The following PDE8B variants were observed in gnomAD, a reference collection of about 807,000 sequenced individuals.
PDE8B encodes the protein phosphodiesterase 8B.
A neutral mutation model predicts 101.3 loss-of-function variants in PDE8B; 26 were observed. The observed-to-expected ratio is 0.26, with a 90% CI of 0.19 to 0.36. The LOEUF is 0.36. Among genes scored for constraint, PDE8B ranks in the 10% least tolerant of loss-of-function variants. The pLI, the probability that PDE8B is intolerant of heterozygous loss-of-function variation, is 1.00. For missense variants in PDE8B, 810 were observed against 1,163.1 expected (o/e 0.70, Z 4.42); for synonymous variants, 424 against 429.3 (o/e 0.99, Z 0.15).
chr5:77,318,242 C>T (rs1327987422), intron 2 of PDE8B, among the ~76,000 whole-genome samples: 5 of 152,116 alleles, frequency 3.3e-5, no homozygotes, highest in Admixed American at 2.6e-4. Flanking sequence ...GATGTTCAGA[C>T]TCAGTAACTT....
chr5:77,388,601 G>T (rs1316334478), intron 10 of PDE8B, among the ~76,000 whole-genome samples: 2 of 152,216 alleles, frequency 1.3e-5, no homozygotes, highest in Non-Finnish European at 2.9e-5. Context: ...TGCACGCTGT[G>T]CTGGGAGATC....
chr5:77,128,896 A>C, the PDE8B span, among the ~76,000 whole-genome samples: 1,152 of 152,314 alleles, frequency 7.6e-3, 3 homozygotes, highest in Non-Finnish European at 0.013. Context: ...GACCATGATC[A>C]CAAGTCCATT....
Position 77,427,497 on chromosome 5 carries a change from C to G in PDE8B, c.*943C>G, listed in dbSNP as rs1446764988. The G allele has an allele frequency of 6.6e-6, 1 of 151,916 alleles. No individual in the cohort carries two copies. The allele number at this position is 151,916 out of a possible 1,614,324, so 9.4% of individuals were successfully genotyped here. A position where few individuals can be genotyped will look rare whatever the true frequency, so the allele number is the denominator to read the frequency against. The stretch of plus-strand genomic sequence containing the variant: ...CCCATGCAGTATGTTGTGCCATGCA[C>G]CATCTATACGTAATATTTTGGGAGG... On this transcript the variant is annotated 3_prime_UTR_variant, in exon 22 of 22. Coordinates refer to ENST00000264917, the MANE Select transcript of PDE8B (RefSeq NM_003719.5).
At position 77,407,393 on chromosome 5, in the gene PDE8B, A is replaced by G. The variant is rs1218760020; in HGVS notation, c.1301A>G (p.Gln434Arg). 1.4e-5 allele frequency: 23 copies of G among 1,613,954 alleles called. No individual in the cohort carries two copies. Among genetic ancestry groups the G allele is most frequent in the Non-Finnish European group, 1.9e-5 (23 of 1,179,942 alleles). ...SSRGSDAPSL[Q>R]NRRYPSMARI... Reference sequence around the variant, plus strand: ...GCCTTCTCTCCAGCACCAAGCCTGCAGAATCGTCGCTATCCGTCCATGGCG... The same window carrying G: ...GCCTTCTCTCCAGCACCAAGCCTGCGGAATCGTCGCTATCCGTCCATGGCG... The change falls in exon 13 of 22, where the codon CAG becomes CGG. Residue 434 changes from glutamine to arginine, a missense_variant. Physicochemically the swap from Gln to Arg is conservative, Grantham distance 43. Around this residue, in one of 4 missense-constraint regions of PDE8B, gnomAD observed 75 missense variants for 76.9 expected, o/e 0.98. Coordinates refer to ENST00000264917, the MANE Select transcript of PDE8B (RefSeq NM_003719.5).
At chr5:77,125,338 T>C in the PDE8B span, among the ~76,000 whole-genome samples, 515 of 152,276 alleles carry the variant, frequency 3.4e-3, 1 homozygote, top group Non-Finnish European at 6.1e-3. Flanking sequence ...TGTAGAGAAA[T>C]TGGAACTCTT....
At chr5:77,318,645 C>T (rs1322874989) in intron 2 of PDE8B, among the ~76,000 whole-genome samples, 1 of 152,214 alleles carries the variant, frequency 6.6e-6, no homozygotes, top group Non-Finnish European at 1.5e-5. Flanking sequence ...TAAACTATAG[C>T]TGTAATCAGC....
chr5:77,282,383 A>G (rs1370032160), intron 1 of PDE8B, among the ~76,000 whole-genome samples: 4 of 151,980 alleles, frequency 2.6e-5, no homozygotes, highest in Non-Finnish European at 4.4e-5. Flanking sequence ...TTTCCAGGCA[A>G]TCTGGCTCTC....
the PDE8B span, chr5:77,118,217 G>T: frequency 2.2e-4 from 87 of 391,082 alleles, no homozygotes; most frequent in African/African-American, 1.6e-3. Context: ...AAAGTGCTGG[G>T]ATTACCGGTG....
chr5:77,266,208 C>G (rs772099736), intron 1 of PDE8B, among the ~76,000 whole-genome samples: 2 of 152,162 alleles, frequency 1.3e-5, no homozygotes, highest in Admixed American at 6.5e-5. Flanking sequence ...CTTTTGTGGT[C>G]ATTTGTGGAT....
intron 10 of PDE8B, 44 bp downstream of exon 10, chr5:77,353,450 G>A: frequency 9.3e-7 from 1 of 1,076,094 alleles, no homozygotes; most frequent in Non-Finnish European, 1.5e-6. Flanking sequence ...GTTTGGCCAT[G>A]CGTCACCTCT....
At chr5:77,273,374 C>T (rs1423118939) in intron 1 of PDE8B, among the ~76,000 whole-genome samples, 3 of 152,118 alleles carry the variant, frequency 2.0e-5, no homozygotes, top group South Asian at 2.1e-4. Context: ...AAAATATGAT[C>T]GTTTATTAAT....
the PDE8B span, among the ~76,000 whole-genome samples, chr5:77,182,722 G>C: frequency 1.3e-5 from 2 of 150,362 alleles, no homozygotes; most frequent in Non-Finnish European, 2.9e-5. Context: ...AATATTGGAT[G>C]CCTAATTGCC....
chr5:77,373,874 AG>A (rs1785549303), intron 10 of PDE8B, among the ~76,000 whole-genome samples: 1 of 151,810 alleles, frequency 6.6e-6, no homozygotes, highest in Admixed American at 6.6e-5. Context: ...TTTGAGACGG[AG>A]TTTTGCTCTT....
At chr5:77,261,443 G>C (rs1224788986) in intron 1 of PDE8B, among the ~76,000 whole-genome samples, 1 of 152,218 alleles carries the variant, frequency 6.6e-6, no homozygotes, top group Non-Finnish European at 1.5e-5. Context: ...AGCAGTTGAA[G>C]ATTGGCAAGA....
the PDE8B span, among the ~76,000 whole-genome samples, chr5:77,201,811 G>A: frequency 8.7e-3 from 1,321 of 152,028 alleles, 26 homozygotes; most frequent in African/African-American, 0.03. Context: ...TGCTAGGGCC[G>A]CCATAATAAA....
At chr5:77,160,294 A>G in the PDE8B span, among the ~76,000 whole-genome samples, 1 of 152,142 alleles carries the variant, frequency 6.6e-6, no homozygotes, top group Admixed American at 6.5e-5. Flanking sequence ...CTCAGCATGC[A>G]TTGGGGATTG....
At chr5:77,207,178 G>A (rs1336197360), upstream of PDE8B, among the ~76,000 whole-genome samples, 1 of 152,224 alleles carries the variant, frequency 6.6e-6, no homozygotes, top group Non-Finnish European at 1.5e-5. Context: ...AGGTTGATTG[G>A]TTGATTAAAT....
At chr5:77,142,190 C>G in the PDE8B span, 3 of 152,160 alleles carry the variant, frequency 2.0e-5, no homozygotes, top group African/African-American at 7.2e-5. Flanking sequence ...CTGGGGATGT[C>G]ACTTTTATCT....
At position 77,344,858 on chromosome 5, in the gene PDE8B, G is replaced by A. The variant is rs1346478403; in HGVS notation, c.803G>A (p.Cys268Tyr). 2 of 1,598,220 alleles carry A rather than the reference G, an allele frequency of 1.3e-6. No individual in the cohort carries two copies. Among genetic ancestry groups the A allele is most frequent in the Non-Finnish European group, 1.7e-6 (2 of 1,165,458 alleles). Residue 268 changes from cysteine to tyrosine, a missense_variant, in exon 7 of 22, where the codon TGT (cysteine) becomes TAT (tyrosine). By Grantham distance (194) the Cys-to-Tyr change is radical. Coordinates refer to ENST00000264917, the MANE Select transcript of PDE8B (RefSeq NM_003719.5). Reference protein sequence around the residue: ...EVRSQFKLRACNSVFTALDHC... With the variant: ...EVRSQFKLRAYNSVFTALDHC... ...CAATCTTTTATAACTTTCAGGGCCT[G>A]TAATTCAGTGTTTACAGCATTAGAT...
Sources: gnomAD v4.1 joint callset for allele counts (sites outside exome capture counted in the v4.1 genomes callset) on GRCh38, gnomAD v4.1.1 for gene constraint, gnomAD v4.1.1 regional missense constraint, MANE v1.5 for transcripts, NCBI Gene and HGNC (gene_info 2026-07-23, HGNC 2026-07-21) for gene names.